Variants in TEX26 observed in about 807,000 individuals in gnomAD.
TEX26 encodes the protein testis expressed 26, also known as testis-expressed protein 26.
A neutral mutation model predicts 35.3 loss-of-function variants in TEX26; 34 were observed. The observed-to-expected ratio is 0.96, with a 90% CI of 0.73 to 1.28. The LOEUF is 1.28. Ranked by LOEUF, TEX26 falls within the 50% of genes most tolerant of loss-of-function variation. TEX26 has a pLI of 0.00. For missense variants in TEX26, 371 were observed against 330.1 expected, an observed-to-expected ratio of 1.12 and a Z score of -0.96; for synonymous variants, 136 against 111.8, an observed-to-expected ratio of 1.22 and a Z score of -1.36.
chr13:30,958,357 A>G (rs569169614), intron 4 of TEX26, among the ~76,000 whole-genome samples: 1 of 152,358 alleles, frequency 6.6e-6, no homozygotes, highest in South Asian at 2.1e-4. Flanking sequence ...AGACGCACAG[A>G]CGGAAATCTT....
intron 6 of TEX26, among the ~76,000 whole-genome samples, chr13:30,974,180 G>A (rs1211626972): frequency 2.9e-5 from 4 of 139,826 alleles, no homozygotes; most frequent in Non-Finnish European, 3.1e-5. Context: ...AATCATAGAT[G>A]TTCAGAACCA....
At chr13:30,956,837 T>C in intron 3 of TEX26, 36 bp from the exon 4 acceptor site, 2 of 1,586,994 alleles carry the variant, frequency 1.3e-6, no homozygotes, top group African/African-American at 2.7e-5. Flanking sequence ...GGTGAACCCA[T>C]ATGGATTTTC....
chr13:30,968,302 T>C (rs1954606442), intron 5 of TEX26, among the ~76,000 whole-genome samples: 1 of 152,096 alleles, frequency 6.6e-6, no homozygotes, highest in African/African-American at 2.4e-5. Context: ...TGTTCAGTGG[T>C]AGCAGCCCCC....
intron 3 of TEX26, among the ~76,000 whole-genome samples, chr13:30,954,687 G>A (rs1566154530): frequency 6.6e-6 from 1 of 152,122 alleles, no homozygotes; most frequent in South Asian, 2.1e-4. Flanking sequence ...CAAACTCCTG[G>A]GTTCAAGCAA....
At chr13:30,936,375 CT>C (rs1288068518) in intron 1 of TEX26, among the ~76,000 whole-genome samples, 1 of 152,168 alleles carries the variant, frequency 6.6e-6, no homozygotes, top group East Asian at 1.9e-4. Context: ...TCACATGGGG[CT>C]ATTTGTTGTG....
intron 2 of TEX26, among the ~76,000 whole-genome samples, chr13:30,951,748 A>G (rs759523364): frequency 1.3e-5 from 2 of 152,174 alleles, no homozygotes; most frequent in Non-Finnish European, 2.9e-5. Context: ...AATATGTAAC[A>G]ATTATATTAT....
In TEX26 at chr13:30,952,740, A is replaced by G. The variant is rs145168779; in HGVS notation, c.227A>G (p.Tyr76Cys). ...ILNQTQYSDE[Y>C]TWKSHSKEDL... ...AATCAGACACAATATAGTGATGAGT[A>G]CACTTGGAAATCACACTCTAAAGAA... is the stretch of plus-strand genomic sequence containing the variant. The change falls in exon 3 of 7, where the codon TAC (tyrosine) becomes TGC (cysteine). Residue 76 changes from tyrosine to cysteine, a missense_variant. Coordinates refer to ENST00000380473, the MANE Select transcript of TEX26 (RefSeq NM_152325.3). The G allele has an allele frequency of 1.5e-3, 2,434 of 1,613,042 alleles. 3 individuals carry two copies. Among genetic ancestry groups the G allele is most frequent in the Non-Finnish European group, 2.0e-3 (2,329 of 1,179,378 alleles).
chr13:30,971,083 C>T (rs1263029518), intron 6 of TEX26, among the ~76,000 whole-genome samples: 1 of 152,164 alleles, frequency 6.6e-6, no homozygotes, highest in Non-Finnish European at 1.5e-5. Flanking sequence ...GATCTGCTTC[C>T]CATGGATTTT....
intron 1 of TEX26, among the ~76,000 whole-genome samples, chr13:30,938,251 T>C (rs1328423068): frequency 6.6e-6 from 1 of 152,202 alleles, no homozygotes; most frequent in African/African-American, 2.4e-5. Flanking sequence ...TTGGTGGTAC[T>C]TCGTTGACAA....
At chr13:30,944,955 G>T (rs1953648981) in intron 2 of TEX26, among the ~76,000 whole-genome samples, 1 of 151,940 alleles carries the variant, frequency 6.6e-6, no homozygotes, top group African/African-American at 2.4e-5. Context: ...TATTTGTTAG[G>T]TCCATTTGTT....
chr13:30,936,751 A>T, intron 1 of TEX26: 1 of 985,446 alleles, frequency 1.0e-6, no homozygotes, highest in Non-Finnish European at 1.2e-6. Context: ...GGAACAGAAA[A>T]TGAGAGAAGA....
intron 4 of TEX26, 52 bp downstream of exon 4, chr13:30,957,081 G>GATCTACACAA: frequency 6.4e-7 from 1 of 1,570,330 alleles, no homozygotes; most frequent in Non-Finnish European, 8.7e-7. Flanking sequence ...AGGCCCTGGA[G>GATCTACACAA]TTGCAGTGGT....
intron 1 of TEX26, among the ~76,000 whole-genome samples, chr13:30,936,502 T>C (rs1953277319): frequency 6.6e-6 from 1 of 152,228 alleles, no homozygotes; most frequent in Non-Finnish European, 1.5e-5. Context: ...ATGCCACCTA[T>C]GCTATGATGA....
Position 30,952,726 on chromosome 13 carries a change from A to T in TEX26, c.213A>T (p.Gln71His). ...SLSDPILNQT[Q>H]YSDEYTWKSH... ...GTGATCCTATTCTCAATCAGACACA[A>T]TATAGTGATGAGTACACTTGGAAAT... The change falls in exon 3 of 7, where the codon CAA becomes CAT. Residue 71 changes from glutamine (Q) to histidine (H), a missense_variant. Gln to His is a conservative substitution (Grantham distance 24). Transcript: ENST00000380473. 6.2e-7 allele frequency: 1 copy of T among 1,612,990 alleles called. No individual in the cohort carries two copies.
chr13:30,975,014 C>T lies in TEX26; in HGVS notation c.*107C>T. On this transcript the variant is annotated 3_prime_UTR_variant, in exon 7 of 7. Transcript: ENST00000380473. ...AGGAAAAATAAGATGCAAATAGCTT[C>T]AAGTATGATGTGATAGTCATGAATT... is the stretch of plus-strand genomic sequence containing the variant. 2.8e-6 allele frequency: 2 copies of T among 718,080 alleles called. No individual in the cohort carries two copies. Among genetic ancestry groups the T allele is most frequent in the South Asian group, 4.2e-5 (2 of 47,350 alleles). 44.5% of individuals were successfully genotyped at this position (718,080 alleles called of 1,614,324 possible).
At chr13:30,962,130 T>C (rs1260347840) in intron 4 of TEX26, among the ~76,000 whole-genome samples, 3 of 152,182 alleles carry the variant, frequency 2.0e-5, no homozygotes, top group African/African-American at 7.2e-5. Flanking sequence ...GCTTTCCCAG[T>C]GAGCTTTTCC....
chr13:30,957,989 T>A (rs1954201410), intron 4 of TEX26, among the ~76,000 whole-genome samples: 1 of 152,192 alleles, frequency 6.6e-6, no homozygotes, highest in Non-Finnish European at 1.5e-5. Flanking sequence ...CATTTTATTC[T>A]CTCCTTTGTT....
intron 2 of TEX26, among the ~76,000 whole-genome samples, chr13:30,952,001 ATTTTTTTTTTTTTTTTTTTTTTTTTTTT>A (rs751918742): frequency 1.6e-4 from 8 of 50,690 alleles, no homozygotes; most frequent in East Asian, 6.6e-4. Flanking sequence ...TTATTCTGGG[ATTTTTTTTTTTTTTTTTTTTTTTTTTTT>A]TTTTTTTTTT....
chr13:30,938,628 A>T (rs967140563), intron 1 of TEX26, among the ~76,000 whole-genome samples: 6 of 152,332 alleles, frequency 3.9e-5, no homozygotes, highest in Admixed American at 1.3e-4. Context: ...CAACATATAC[A>T]TTTGGGGATT....
Sources: allele counts gnomAD v4.1 joint callset (sites outside exome capture counted in the v4.1 genomes callset), GRCh38; gene constraint gnomAD v4.1.1; transcripts MANE v1.5; gene names NCBI Gene and HGNC (gene_info 2026-07-23, HGNC 2026-07-21).